CARD6: variants seen among roughly 807,000 people sequenced by gnomAD.
CARD6 encodes caspase recruitment domain family member 6.
In CARD6, 27 loss-of-function variants were observed where a neutral mutation model predicts 23.6. The observed-to-expected ratio is 1.14, with a 90% CI of 0.84 to 1.58. The LOEUF (loss-of-function observed/expected upper bound fraction) is 1.58, where lower values mean the gene tolerates loss of function less well. Ranked by LOEUF, CARD6 falls within the 40% of genes most tolerant of loss-of-function variation. The pLI, the probability that CARD6 is intolerant of heterozygous loss-of-function variation, is 0.00. For synonymous variants in CARD6, 397 were observed against 431.8 expected (o/e 0.92, Z 1.00); for missense variants, 1,214 against 1,209.9 (o/e 1.00, Z -0.05).
rs1224921002 is a variant in CARD6 at position 40,853,632 on chromosome 5, A to G, written c.2300A>G (p.His767Arg). 1 of 1,614,234 alleles carries G rather than the reference A, an allele frequency of 6.2e-7. No homozygotes were observed. ...FGSEQRPKWF[H>R]PLPFQNAGAQ... ...TCAGAGCAGAGGCCTAAGTGGTTCCATCCTTTGCCTTTTCAGAATGCAGGG... is the reference window on the plus strand; with the variant it reads ...TCAGAGCAGAGGCCTAAGTGGTTCCGTCCTTTGCCTTTTCAGAATGCAGGG... The change falls in exon 3 of 3, where the codon CAT becomes CGT. Residue 767 changes from histidine (H) to arginine (R), a missense_variant. His to Arg is a conservative substitution (Grantham distance 29, BLOSUM62 0). Coordinates refer to ENST00000254691, the MANE Select transcript of CARD6 (RefSeq NM_032587.4).
At chr5:40,842,139 T>C (rs1451598814) in intron 1 of CARD6, among the ~76,000 whole-genome samples, 1 of 152,240 alleles carries the variant, frequency 6.6e-6, no homozygotes, top group African/African-American at 2.4e-5. Flanking sequence ...TTCATTTTTT[T>C]GGTGATAAGA....
intron 1 of CARD6, 76 bp from the exon 2 acceptor site, chr5:40,843,076 C>A: frequency 1.1e-6 from 1 of 882,182 alleles, no homozygotes. Flanking sequence ...AGGGATGAAG[C>A]TTTGAGGCCT....
In CARD6 at chr5:40,852,910, T is replaced by G; in HGVS notation, c.1578T>G (p.Pro526=). 6.2e-7 allele frequency: 1 copy of G among 1,614,094 alleles called. No individual in the cohort carries two copies. Among genetic ancestry groups the G allele is most frequent in the Non-Finnish European group, 8.5e-7 (1 of 1,179,998 alleles). The change falls in exon 3 of 3, where the codon CCT becomes CCG. Residue 526 remains proline, a synonymous_variant. Transcript: ENST00000254691. ...AGGAAAACCCCTTTTTCCAAAAGCC[T>G]GTTGCTCTGGCTAATCTCCGTGGAA... ...DRKENPFFQK[P]VALANLRGNL...
Position 40,852,893 on chromosome 5 carries a change from C to T in CARD6, c.1561C>T (p.Pro521Ser), listed in dbSNP as rs768069792. Reference protein sequence around the residue: ...FPDSDDRKENPFFQKPVALAN... With the variant: ...FPDSDDRKENSFFQKPVALAN... Reference sequence around the variant, plus strand: ...TGATAGCGATGATAGAAAGGAAAACCCCTTTTTCCAAAAGCCTGTTGCTCT... The same window carrying T: ...TGATAGCGATGATAGAAAGGAAAACTCCTTTTTCCAAAAGCCTGTTGCTCT... The change falls in exon 3 of 3, where the codon CCC becomes TCC. Residue 521 changes from proline (P) to serine (S), a missense_variant. Coordinates refer to ENST00000254691, the MANE Select transcript of CARD6 (RefSeq NM_032587.4). 3 of 1,613,834 alleles carry T rather than the reference C, an allele frequency of 1.9e-6. No homozygotes were observed. Among genetic ancestry groups the T allele is most frequent in the Non-Finnish European group, 1.7e-6 (2 of 1,179,924 alleles).
rs113160122 is a variant in CARD6, at chr5:40,852,455, C to T, written c.1123C>T (p.Pro375Ser). The part of the protein sequence containing the change: ...LEIRDIQTIN[P>S]LDVLCATMLC... Reference sequence around the variant, plus strand: ...AATTCGAGACATACAAACCATTAATCCCCTTGACGTGCTTTGTGCCACCAT... The same window carrying T: ...AATTCGAGACATACAAACCATTAATTCCCTTGACGTGCTTTGTGCCACCAT... Residue 375 changes from proline (P) to serine (S), a missense_variant, in exon 3 of 3, where the codon CCC (proline) becomes TCC (serine). Physicochemically the swap from Pro to Ser is moderately conservative, Grantham distance 74 (BLOSUM62 -1). Coordinates refer to ENST00000254691, the MANE Select transcript of CARD6 (RefSeq NM_032587.4). The T allele has an allele frequency of 1.9e-6, 3 of 1,614,146 alleles. No individual in the cohort carries two copies. Among genetic ancestry groups the T allele is most frequent in the Non-Finnish European group, 2.5e-6 (3 of 1,180,030 alleles).
At chr5:40,851,042 A>G (rs1457014499) in intron 2 of CARD6, among the ~76,000 whole-genome samples, 1 of 152,158 alleles carries the variant, frequency 6.6e-6, no homozygotes, top group Non-Finnish European at 1.5e-5. Context: ...ATGTAAAAAA[A>G]AATAGCATGG....
At chr5:40,852,117 C>T (rs1352818823) in intron 2 of CARD6, 57 bp from the exon 3 acceptor site, 14 of 1,139,890 alleles carry the variant, frequency 1.2e-5, no homozygotes, top group East Asian at 2.4e-5. Flanking sequence ...AAAAAGAAGT[C>T]GATGGGGAAA....
At position 40,853,652 on chromosome 5, in the gene CARD6, G is replaced by T. The variant is rs867534765; in HGVS notation, c.2320G>T (p.Ala774Ser). ...KWFHPLPFQN[A>S]GAQGRGKSFG... ...GTTCCATCCTTTGCCTTTTCAGAAT[G>T]CAGGGGCCCAGGGCCGAGGTAAAAG... Residue 774 changes from alanine to serine, a missense_variant, in exon 3 of 3, where the codon GCA (alanine) becomes TCA (serine). Transcript: ENST00000254691. 6.2e-7 allele frequency: 1 copy of T among 1,614,230 alleles called. No homozygotes were observed.
At chr5:40,842,828 A>T (rs936571427) in intron 1 of CARD6, among the ~76,000 whole-genome samples, 1 of 152,170 alleles carries the variant, frequency 6.6e-6, no homozygotes, top group Admixed American at 6.6e-5. Context: ...ACCTGAGGTC[A>T]GGAGTTTGAG....
At position 40,852,417 on chromosome 5, in the gene CARD6, T is replaced by C; in HGVS notation, c.1085T>C (p.Val362Ala). Residue 362 changes from valine (V) to alanine (A), a missense_variant, in exon 3 of 3, where the codon GTG becomes GCG. Coordinates refer to ENST00000254691, the MANE Select transcript of CARD6 (RefSeq NM_032587.4). ...EDSKEDLLAG[V>A]ENLEIRDIQT... ...AGCAAGGAGGATTTGCTGGCTGGAG[T>C]GGAGAATTTGGAAATTCGAGACATA... 6.2e-7 allele frequency: 1 copy of C among 1,614,010 alleles called. No homozygotes were observed. Among genetic ancestry groups the C allele is most frequent in the South Asian group, 1.1e-5 (1 of 91,062 alleles).
In CARD6 at chr5:40,853,152, TA is replaced by T. The variant is rs765220035; in HGVS notation, c.1821del (p.Leu608CysfsTer25). 22 of 1,614,060 alleles carry T rather than the reference TA, an allele frequency of 1.4e-5. No homozygotes were observed. The highest frequency in any genetic ancestry group is 1.7e-5 in the Non-Finnish European group (20 of 1,180,030). The stretch of plus-strand genomic sequence containing the variant: ...ATACTGAACTTGAAGCCAGCACAGC[TA>T]CTGTTTTGGGAGAGGGGAGATGCTG... ...QRILNLKPAQ[L>X]LFWERGDAGD... On this transcript the variant is annotated frameshift_variant, in exon 3 of 3. Coordinates refer to ENST00000254691, the MANE Select transcript of CARD6 (RefSeq NM_032587.4). LOFTEE classifies it low-confidence loss of function (END_TRUNC).
At chr5:40,843,895 A>G (rs1000315813) in intron 2 of CARD6, among the ~76,000 whole-genome samples, 186 bp downstream of exon 2, 1 of 152,196 alleles carries the variant, frequency 6.6e-6, no homozygotes, top group Admixed American at 6.5e-5. Flanking sequence ...AGGAGCTCCC[A>G]GGACCTAGGA....
In CARD6 at chr5:40,852,416, G is replaced by A; in HGVS notation, c.1084G>A (p.Val362Met). ...EDSKEDLLAGVENLEIRDIQT... is the reference protein window; with the variant it reads ...EDSKEDLLAGMENLEIRDIQT... ...TAGCAAGGAGGATTTGCTGGCTGGA[G>A]TGGAGAATTTGGAAATTCGAGACAT... Residue 362 changes from valine to methionine, a missense_variant, in exon 3 of 3, where the codon GTG becomes ATG. Transcript: ENST00000254691. 1 of 1,614,192 alleles carries A rather than the reference G, an allele frequency of 6.2e-7. No homozygotes were observed. The highest frequency in any genetic ancestry group is 1.1e-5 in the South Asian group (1 of 91,082).
rs34765182 is a variant in CARD6, at chr5:40,841,577, GA to G, written c.200del (p.Lys67ArgfsTer26). 1.9e-6 allele frequency: 3 copies of G among 1,614,082 alleles called. No individual in the cohort carries two copies. Among genetic ancestry groups the G allele is most frequent in the Non-Finnish European group, 2.5e-6 (3 of 1,179,998 alleles). On this transcript the variant is annotated frameshift_variant, in exon 1 of 3. Coordinates refer to ENST00000254691, the MANE Select transcript of CARD6 (RefSeq NM_032587.4). LOFTEE classifies it high-confidence loss of function. The part of the protein sequence containing the change: ...KSRKLLILVQ[K>X]KGEATCQHFL... ...GTCGGAAGCTGTTAATTTTGGTACA[GA>G]AAAAGGGAGAGGCGACCTGTCAGCA...
Position 40,853,232 on chromosome 5 carries a change from T to G in CARD6, c.1900T>G (p.Phe634Val). 6.2e-7 allele frequency: 1 copy of G among 1,614,206 alleles called. No homozygotes were observed. The highest frequency in any genetic ancestry group is 8.5e-7 in the Non-Finnish European group (1 of 1,180,012). Residue 634 changes from phenylalanine (F) to valine (V), a missense_variant, in exon 3 of 3, where the codon TTC becomes GTC. Coordinates refer to ENST00000254691, the MANE Select transcript of CARD6 (RefSeq NM_032587.4). ...TCAAGCTGCCCTCCAGGAAGTGATG[T>G]TCTCTTCTTGCCTCAGATGTGTGTC... ...GLQAALQEVM[F>V]SSCLRCVSVE...
rs1361005592 is a variant in CARD6, at chr5:40,846,505, A to G, written c.841+2796A>G. Among the ~76,000 whole-genome samples the G allele has an allele frequency of 4.6e-5, 7 of 152,140 alleles. 1 individual carries two copies. The highest frequency in any genetic ancestry group is 1.0e-4 in the Non-Finnish European group (7 of 68,018). On this transcript the variant is annotated intron_variant, in intron 2 of 2. Coordinates refer to ENST00000254691, the MANE Select transcript of CARD6 (RefSeq NM_032587.4). ...CACAAATGAGTGGCTTTAGAACAAC[A>G]AAAATTTCTTGTCTCACAGTTCAGG...
chr5:40,854,453 A>G lies in CARD6; in HGVS notation c.*7A>G. The G allele has an allele frequency of 6.3e-7, 1 of 1,596,666 alleles. No homozygotes were observed. On this transcript the variant is annotated 3_prime_UTR_variant, in exon 3 of 3. Coordinates refer to ENST00000254691, the MANE Select transcript of CARD6 (RefSeq NM_032587.4). ...GAGGGGAGGGAAGCATTAAAGAGCT[A>G]ACTCCAGAGATCTATAAAGCATATC...
At chr5:40,846,429 T>C (rs1274605415) in intron 2 of CARD6, among the ~76,000 whole-genome samples, 3 of 152,154 alleles carry the variant, frequency 2.0e-5, no homozygotes, top group African/African-American at 7.2e-5. Context: ...ACGATCATCA[T>C]GCCATCTATG....
In CARD6 at chr5:40,853,049, G is replaced by C; in HGVS notation, c.1717G>C (p.Glu573Gln). The C allele has an allele frequency of 6.2e-7, 1 of 1,614,136 alleles. No homozygotes were observed. The highest frequency in any genetic ancestry group is 8.5e-7 in the Non-Finnish European group (1 of 1,180,020). Residue 573 changes from glutamate (E) to glutamine (Q), a missense_variant, in exon 3 of 3, where the codon GAG becomes CAG. Physicochemically the swap from Glu to Gln is conservative, Grantham distance 29. Transcript: ENST00000254691. ...KEWDLLMFLG[E>Q]AAIERCYFVL... Reference sequence around the variant, plus strand: ...ATGGGACTTGCTAATGTTTTTAGGAGAGGCTGCCATTGAAAGATGCTACTT... The same window carrying C: ...ATGGGACTTGCTAATGTTTTTAGGACAGGCTGCCATTGAAAGATGCTACTT...
Sources: gnomAD v4.1 joint callset for allele counts (sites outside exome capture counted in the v4.1 genomes callset) on GRCh38, gnomAD v4.1.1 for gene constraint, MANE v1.5 for transcripts, NCBI Gene and HGNC (gene_info 2026-07-23, HGNC 2026-07-21) for gene names.